The following FBN1 variants were observed in gnomAD, a reference collection of about 807,000 sequenced individuals.
FBN1 encodes the protein fibrillin-1.
In FBN1, 29 loss-of-function variants were observed where a neutral mutation model predicts 365.1. The observed-to-expected ratio is 0.08, with a 90% CI of 0.06 to 0.11. The LOEUF (loss-of-function observed/expected upper bound fraction) is 0.11, where lower values mean the gene tolerates loss of function less well. Ranked by LOEUF, FBN1 falls within the 10% of genes least tolerant of loss-of-function variation. The pLI, the probability that FBN1 is intolerant of heterozygous loss-of-function variation, is 1.00. For missense variants in FBN1, 2,476 were observed against 3,703.2 expected, an observed-to-expected ratio of 0.67 and a Z score of 8.60; for synonymous variants, 1,210 against 1,270.5, an observed-to-expected ratio of 0.95 and a Z score of 1.01.
Position 48,534,222 on chromosome 15 carries a change from G to C in FBN1, c.737-17C>G. The C allele has an allele frequency of 6.3e-7, 1 of 1,577,574 alleles. No homozygotes were observed. ...CATCCACATCTGTCAGATTACAGAAGACAGAGAGAAAAAAAAAAAACTCAT... is the reference window on the plus strand; with the variant it reads ...CATCCACATCTGTCAGATTACAGAACACAGAGAGAAAAAAAAAAAACTCAT... On this transcript the variant is annotated splice_polypyrimidine_tract_variant and intron_variant, in intron 7 of 65. Transcript: ENST00000316623.
chr15:48,536,828 A>G (rs995546528), intron 7 of FBN1, among the ~76,000 whole-genome samples: 6 of 152,216 alleles, frequency 3.9e-5, no homozygotes, highest in African/African-American at 1.2e-4. Flanking sequence ...AGTATTATCT[A>G]TTTGCCTCAG....
intron 4 of FBN1, among the ~76,000 whole-genome samples, chr15:48,608,628 A>T (rs577945315): frequency 6.6e-6 from 1 of 152,308 alleles, no homozygotes; most frequent in African/African-American, 2.4e-5. Flanking sequence ...TCCTGATGAA[A>T]CCAGAACCTC....
At chr15:48,445,101 A>G (rs2043143097) in intron 48 of FBN1, among the ~76,000 whole-genome samples, 1 of 147,152 alleles carries the variant, frequency 6.8e-6, no homozygotes. Flanking sequence ...TAAGGGAAAA[A>G]GTGATTATAT....
In FBN1 at chr15:48,492,502, G is replaced by A. The variant is rs758257941; in HGVS notation, c.2813C>T (p.Pro938Leu). ...NTRGSFKCQC[P>L]SGMTLDATGR... is the part of the protein sequence containing the mutation. ...TGTGGCATCCAAAGTCATTCCACTG[G>A]GACACTGACACTTGAATGACCCCCT... Residue 938 changes from proline to leucine, a missense_variant, in exon 24 of 66, where the codon CCC (proline) becomes CTC (leucine). Physicochemically the swap from Pro to Leu is moderately conservative, Grantham distance 98. This residue lies in a region of FBN1 where 1,780 missense variants were observed against 2,840.8 expected (regional missense o/e 0.63). Transcript: ENST00000316623. 13 of 1,613,188 alleles carry A rather than the reference G, an allele frequency of 8.1e-6. No homozygotes were observed. The highest frequency in any genetic ancestry group is 1.1e-5 in the Non-Finnish European group (13 of 1,179,470).
intron 6 of FBN1, among the ~76,000 whole-genome samples, chr15:48,577,820 C>T (rs1235174373): frequency 6.6e-6 from 1 of 152,148 alleles, no homozygotes; most frequent in Non-Finnish European, 1.5e-5. Flanking sequence ...AGGGCATGAT[C>T]GTCCTTTTTG....
intron 62 of FBN1, 133 bp from the exon 63 acceptor site, chr15:48,420,939 T>A (rs2042936638): frequency 1.0e-6 from 1 of 980,802 alleles, no homozygotes; most frequent in Non-Finnish European, 1.6e-6. Context: ...GAATCTCTCT[T>A]CTGGAACTGC....
intron 6 of FBN1, among the ~76,000 whole-genome samples, chr15:48,543,806 G>C (rs906023649): frequency 2.6e-5 from 4 of 152,192 alleles, no homozygotes; most frequent in Non-Finnish European, 1.5e-5. Context: ...TGACACTGCA[G>C]AATTGTTGTT....
chr15:48,508,214 C>G (rs2043727316), intron 15 of FBN1, among the ~76,000 whole-genome samples: 1 of 152,156 alleles, frequency 6.6e-6, no homozygotes, highest in African/African-American at 2.4e-5. Context: ...TGGCAAATAA[C>G]AGCCACCAAG....
intron 6 of FBN1, among the ~76,000 whole-genome samples, chr15:48,559,529 T>G (rs139166484): frequency 1.3e-5 from 2 of 152,056 alleles, no homozygotes; most frequent in Non-Finnish European, 2.9e-5. Context: ...CAAAGCACAG[T>G]TTTTACAATC....
intron 6 of FBN1, among the ~76,000 whole-genome samples, chr15:48,574,884 A>T (rs1279117225): frequency 6.6e-6 from 1 of 152,228 alleles, no homozygotes; most frequent in Non-Finnish European, 1.5e-5. Context: ...ATGTTAATTT[A>T]AAAGAACAAA....
At chr15:48,427,146 C>T (rs1477599382) in intron 58 of FBN1, among the ~76,000 whole-genome samples, 1 of 152,072 alleles carries the variant, frequency 6.6e-6, no homozygotes, top group Admixed American at 6.5e-5. Context: ...GTCTAATTGC[C>T]AGGATATCAG....
chr15:48,467,573 C>T (rs984344181), intron 38 of FBN1, among the ~76,000 whole-genome samples: 8 of 152,242 alleles, frequency 5.3e-5, no homozygotes, highest in East Asian at 1.9e-4. Flanking sequence ...CTTCAAACCC[C>T]GGGACACTGA....
intron 34 of FBN1, among the ~76,000 whole-genome samples, chr15:48,473,821 TAATA>T (rs1271485136): frequency 3.3e-5 from 5 of 151,020 alleles, no homozygotes; most frequent in African/African-American, 9.8e-5. Flanking sequence ...AAAAAAATAA[TAATA>T]AATAAAGGCT....
Position 48,526,000 on chromosome 15 carries a change from A to G in FBN1, c.988+130T>C, listed in dbSNP as rs554585928. On this transcript the variant is annotated intron_variant, in intron 9 of 65. Transcript: ENST00000316623. The stretch of plus-strand genomic sequence containing the variant: ...TTAAGAGGGCAGTCAACTGTTTAAC[A>G]TTTTTCCAAAAATGTACATTTTACC... 3 of 1,280,198 alleles carry G rather than the reference A, an allele frequency of 2.3e-6. No homozygotes were observed. In the African/African-American group the frequency reaches 4.4e-5, roughly 19 times the overall value. 79.3% of individuals were successfully genotyped at this position (1,280,198 alleles called of 1,614,324 possible).
At chr15:48,435,437 G>A (rs548166595) in intron 53 of FBN1, among the ~76,000 whole-genome samples, 15 of 151,934 alleles carry the variant, frequency 9.9e-5, no homozygotes, top group Admixed American at 9.2e-4. Context: ...TAAACATGAT[G>A]GATTTTTGCC....
At chr15:48,541,850 T>C (rs2044060323) in intron 6 of FBN1, among the ~76,000 whole-genome samples, 2 of 151,754 alleles carry the variant, frequency 1.3e-5, no homozygotes, top group South Asian at 4.2e-4. Flanking sequence ...GCAACTAAAA[T>C]ATAGTATTAG....
chr15:48,590,545 G>T (rs1453281233), intron 6 of FBN1, among the ~76,000 whole-genome samples: 1 of 152,208 alleles, frequency 6.6e-6, no homozygotes, highest in Non-Finnish European at 1.5e-5. Flanking sequence ...GAGAAACAAG[G>T]TGTGAGGACA....
intron 6 of FBN1, among the ~76,000 whole-genome samples, chr15:48,582,171 C>T (rs2044398757): frequency 6.6e-6 from 1 of 152,134 alleles, no homozygotes; most frequent in Non-Finnish European, 1.5e-5. Context: ...TTTTGAATTA[C>T]AGGAAATTCA....
Position 48,456,899 on chromosome 15 carries a change from G to A in FBN1, c.5297-137C>T, listed in dbSNP as rs975311501. The A allele has an allele frequency of 5.0e-6, 4 of 793,784 alleles. No individual in the cohort carries two copies. In the African/African-American group the frequency reaches 7.3e-5, roughly 14 times the overall value. The allele number at this position is 793,784 out of a possible 1,614,324, so 49.2% of individuals were successfully genotyped here. ...GTGCATGTGTTGGGGTGGTGGTGAT[G>A]GCAATAGGGACATCAACGAATAGCA... On this transcript the variant is annotated intron_variant, in intron 43 of 65. Coordinates refer to ENST00000316623, the MANE Select transcript of FBN1 (RefSeq NM_000138.5).
Sources: allele counts gnomAD v4.1 joint callset (sites outside exome capture counted in the v4.1 genomes callset), GRCh38; gene constraint gnomAD v4.1.1; regional missense constraint gnomAD v4.1.1; transcripts MANE v1.5; gene names NCBI Gene and HGNC (gene_info 2026-07-23, HGNC 2026-07-21).